GLYATL1: variants seen among roughly 807,000 people sequenced by gnomAD.
GLYATL1 encodes the protein glycine-N-acyltransferase like 1.
Under a neutral mutation model 20.0 loss-of-function variants are expected in GLYATL1, and 15 were observed. The observed-to-expected ratio is 0.75, with a 90% confidence interval of 0.50 to 1.15. The LOEUF is 1.15. Ranked by LOEUF, GLYATL1 falls within the 50% of genes most tolerant of loss-of-function variation. The pLI is 0.00. For missense variants in GLYATL1, 380 were observed against 368.5 expected, an observed-to-expected ratio of 1.03 and a Z score of -0.26; for synonymous variants, 151 against 131.5, an observed-to-expected ratio of 1.15 and a Z score of -1.01.
chr11:58,914,805 A>G (rs1368530780), intron 1 of GLYATL1, among the ~76,000 whole-genome samples: 1 of 152,198 alleles, frequency 6.6e-6, no homozygotes, highest in East Asian at 1.9e-4. Flanking sequence ...AAAATGCATT[A>G]TGGGGGTGGA....
chr11:58,907,343 C>T (rs1296083135), exon 2 of GLYATL1: 1 of 456,158 alleles, frequency 2.2e-6, no homozygotes, highest in Non-Finnish European at 4.4e-6. Flanking sequence ...GCTGCCCTTC[C>T]TTGCGACACT....
downstream of GLYATL1, among the ~76,000 whole-genome samples, chr11:58,910,754 A>G (rs150558871): frequency 2.4e-3 from 361 of 152,324 alleles, 1 homozygote; most frequent in African/African-American, 8.3e-3. Context: ...CCCATGCCCA[A>G]TTGATTGTCT....
At chr11:58,909,898 C>CAAAATATACAATTTATACAA (rs1854997864), downstream of GLYATL1, among the ~76,000 whole-genome samples, 1 of 152,098 alleles carries the variant, frequency 6.6e-6, no homozygotes, top group South Asian at 2.1e-4. Flanking sequence ...TCTTCAACGG[C>CAAAATATACAATTTATACAA]TTGTTTGTGT....
At chr11:58,927,492 G>A (rs1333755955), upstream of GLYATL1, 3 of 152,268 alleles carry the variant, frequency 2.0e-5, no homozygotes, top group East Asian at 5.8e-4. Flanking sequence ...GCACCCATTG[G>A]CTGTTCCTGG....
intron 4 of GLYATL1, among the ~76,000 whole-genome samples, chr11:58,950,581 C>T (rs1421630047): frequency 6.6e-6 from 1 of 152,200 alleles, no homozygotes; most frequent in Non-Finnish European, 1.5e-5. Context: ...CTCAGTACAA[C>T]TGATTTCCAA....
At chr11:58,923,170 A>G (rs186826332), upstream of GLYATL1, among the ~76,000 whole-genome samples, 3 of 152,310 alleles carry the variant, frequency 2.0e-5, no homozygotes, top group Non-Finnish European at 2.9e-5. Flanking sequence ...CCATTTGTCA[A>G]TCCCCAGGAT....
intron 1 of GLYATL1, chr11:58,907,155 G>A: frequency 2.5e-6 from 1 of 405,266 alleles, no homozygotes; most frequent in Admixed American, 2.7e-5. Flanking sequence ...CTCAGCCGGG[G>A]CTCTGATCAG....
chr11:58,955,286 A>T lies in GLYATL1; in HGVS notation c.424A>T (p.Asn142Tyr), dbSNP rs552038964. 22 of 1,612,904 alleles carry T rather than the reference A, an allele frequency of 1.4e-5. No homozygotes were observed. The African/African-American group carries it at 2.7e-4, about 20-fold the overall frequency. The part of the protein sequence containing the change: ...LLVTEDILKL[N>Y]ASSKSKLGSW... ...GGTTACGGAAGATATTCTGAAGCTC[A>T]ATGCCTCCAGTAAAAGCAAGCTTGG... is the stretch of plus-strand genomic sequence containing the variant. The change falls in exon 6 of 7, where the codon AAT (asparagine) becomes TAT (tyrosine). Residue 142 changes from asparagine to tyrosine, a missense_variant. Coordinates refer to ENST00000532726, the MANE Select transcript of GLYATL1 (RefSeq NM_001389712.2).
At chr11:58,924,324 G>A (rs535773278), upstream of GLYATL1, among the ~76,000 whole-genome samples, 1 of 152,308 alleles carries the variant, frequency 6.6e-6, no homozygotes, top group South Asian at 2.1e-4. Flanking sequence ...AGGGCCATCT[G>A]GCTCAAAGAT....
upstream of GLYATL1, among the ~76,000 whole-genome samples, chr11:58,938,151 T>C (rs756017623): frequency 6.6e-5 from 10 of 152,260 alleles, no homozygotes; most frequent in Non-Finnish European, 1.3e-4. Flanking sequence ...GCAGGAATTA[T>C]AAAGCATTAA....
At chr11:58,911,354 CT>C (rs1434027159), downstream of GLYATL1, among the ~76,000 whole-genome samples, 1 of 152,142 alleles carries the variant, frequency 6.6e-6, no homozygotes, top group Non-Finnish European at 1.5e-5. Context: ...AGTGGAATTG[CT>C]TTCATGGAAA....
rs1857412573 is a variant in GLYATL1, at chr11:58,956,250, G to A, written c.*223G>A. The A allele has an allele frequency of 3.8e-6, 2 of 522,672 alleles. No individual in the cohort carries two copies. The highest frequency in any genetic ancestry group is 6.7e-6 in the Non-Finnish European group (2 of 296,974). 32.4% of individuals were successfully genotyped at this position (522,672 alleles called of 1,614,324 possible). A position where few individuals can be genotyped will look rare whatever the true frequency, so the allele number is the denominator to read the frequency against. Reference sequence around the variant, plus strand: ...GTATATTCTTTAAATATGCTTAAGTGTTATAGGGAAAGACGGGGTTACCAG... The same window carrying A: ...GTATATTCTTTAAATATGCTTAAGTATTATAGGGAAAGACGGGGTTACCAG... On this transcript the variant is annotated 3_prime_UTR_variant, in exon 7 of 7. Transcript: ENST00000532726.
chr11:58,927,480 AGGCACCCATT>A (rs1855454507), upstream of GLYATL1: 1 of 152,248 alleles, frequency 6.6e-6, no homozygotes, highest in South Asian at 2.1e-4. Flanking sequence ...TCCCTCCCGC[AGGCACCCATT>A]GGCTGTTCCT....
chr11:58,947,222 TA>T, intron 3 of GLYATL1, 57 bp downstream of exon 3: 2 of 1,572,976 alleles, frequency 1.3e-6, no homozygotes, highest in Non-Finnish European at 1.7e-6. Context: ...GATGAGAAAA[TA>T]GCAGGCTTGT....
At chr11:58,928,052 C>A (rs1310614457) in intron 1 of GLYATL1, among the ~76,000 whole-genome samples, 2 of 152,150 alleles carry the variant, frequency 1.3e-5, no homozygotes, top group Admixed American at 1.3e-4. Flanking sequence ...ACTTGTTTCC[C>A]GGAGCTCTAT....
chr11:58,951,004 T>C (rs1047154941), intron 4 of GLYATL1, among the ~76,000 whole-genome samples: 3 of 152,162 alleles, frequency 2.0e-5, no homozygotes, highest in African/African-American at 7.2e-5. Context: ...TTATTTTCTA[T>C]TTTATTGATG....
chr11:58,911,579 C>A (rs180843133), downstream of GLYATL1, among the ~76,000 whole-genome samples: 5 of 152,200 alleles, frequency 3.3e-5, no homozygotes, highest in Admixed American at 2.0e-4. Flanking sequence ...ATTTGAGCAT[C>A]TTTTTATGTT....
intron 1 of GLYATL1, chr11:58,933,652 A>AT (rs1470119735): frequency 6.6e-6 from 1 of 151,502 alleles, no homozygotes; most frequent in African/African-American, 2.4e-5. Flanking sequence ...TGGTGGTATC[A>AT]TTTTTCTCTG....
intron 2 of GLYATL1, 60 bp downstream of exon 2, chr11:58,943,726 C>T: frequency 6.3e-7 from 1 of 1,588,742 alleles, no homozygotes; most frequent in Admixed American, 1.8e-5. Flanking sequence ...CTCTGAGTTG[C>T]TTGGAGCAAA....
Sources: gnomAD v4.1 joint callset for allele counts (sites outside exome capture counted in the v4.1 genomes callset) on GRCh38, gnomAD v4.1.1 for gene constraint, MANE v1.5 for transcripts, NCBI Gene and HGNC (gene_info 2026-07-23, HGNC 2026-07-21) for gene names.